Variants in DNMBP observed in about 807,000 individuals in gnomAD.
DNMBP encodes dynamin binding protein, also known as dynamin-binding protein.
In DNMBP, 87 loss-of-function variants were observed where a neutral mutation model predicts 150.0. That is an observed-to-expected ratio of 0.58 (90% CI 0.49 to 0.69). The LOEUF (loss-of-function observed/expected upper bound fraction) is 0.69. DNMBP is among the 30% of genes least tolerant of loss of function. The pLI is 0.00. For synonymous variants in DNMBP, 711 were observed against 750.4 expected (o/e 0.95, Z 0.86); for missense variants, 1,774 against 1,949.0 (o/e 0.91, Z 1.69).
chr10:99,911,596 G>A (rs2039900665), intron 4 of DNMBP, among the ~76,000 whole-genome samples: 1 of 152,174 alleles, frequency 6.6e-6, no homozygotes, highest in Admixed American at 6.5e-5. Flanking sequence ...GGAGAGTGGG[G>A]ATTGACAGAG....
intron 4 of DNMBP, among the ~76,000 whole-genome samples, chr10:99,932,276 A>T (rs2133288951): frequency 6.6e-6 from 1 of 152,326 alleles, no homozygotes; most frequent in South Asian, 2.1e-4. Context: ...CTCTTGGGTA[A>T]CTACTAATTC....
At position 99,956,381 on chromosome 10, in the gene DNMBP, T is replaced by C. The variant is rs769482234; in HGVS notation, c.1093A>G (p.Thr365Ala). The part of the protein sequence containing the change: ...EAPTSPLGHL[T>A]SEYDTDRNSY... Reference sequence around the variant, plus strand: ...TTTCTGTCTGTGTCATACTCTGAAGTCAGATGACCGAGGGGAGAAGTGGGT... The same window carrying C: ...TTTCTGTCTGTGTCATACTCTGAAGCCAGATGACCGAGGGGAGAAGTGGGT... The change falls in exon 4 of 17, where the codon ACT becomes GCT. Residue 365 changes from threonine to alanine, a missense_variant. By Grantham distance (58) the Thr-to-Ala change is moderately conservative (BLOSUM62 0). Coordinates refer to ENST00000324109, the MANE Select transcript of DNMBP (RefSeq NM_015221.4). 1 of 1,613,868 alleles carries C rather than the reference T, an allele frequency of 6.2e-7. No homozygotes were observed. The highest frequency in any genetic ancestry group is 8.5e-7 in the Non-Finnish European group (1 of 1,179,964).
At chr10:99,961,267 C>CTTTTTTTT (rs555063019) in intron 3 of DNMBP, among the ~76,000 whole-genome samples, 12 of 84,750 alleles carry the variant, frequency 1.4e-4, no homozygotes, top group East Asian at 3.5e-4. Context: ...TTCCCTTTTT[C>CTTTTTTTT]TTTTTTTTTT....
chr10:99,919,666 G>T (rs1310826510), intron 4 of DNMBP, among the ~76,000 whole-genome samples: 1 of 152,156 alleles, frequency 6.6e-6, no homozygotes, highest in Non-Finnish European at 1.5e-5. Flanking sequence ...GGTGGCGTGC[G>T]CCACCAGCTA....
intron 4 of DNMBP, among the ~76,000 whole-genome samples, chr10:99,915,229 A>C (rs1589416068): frequency 6.6e-6 from 1 of 150,438 alleles, no homozygotes; most frequent in African/African-American, 2.4e-5. Flanking sequence ...ACACACACAC[A>C]CACACGCATA....
chr10:99,948,341 A>G (rs752378407), intron 4 of DNMBP, among the ~76,000 whole-genome samples: 2 of 152,224 alleles, frequency 1.3e-5, no homozygotes, highest in Non-Finnish European at 2.9e-5. Flanking sequence ...TTAAAATACA[A>G]GGTTATAATT....
chr10:99,899,860 C>T, intron 7 of DNMBP, 59 bp downstream of exon 7: 1 of 1,568,548 alleles, frequency 6.4e-7, no homozygotes, highest in African/African-American at 1.3e-5. Context: ...GGCATATACA[C>T]AGGTATAACT....
chr10:99,974,128 T>C (rs2040704602), intron 1 of DNMBP, among the ~76,000 whole-genome samples: 2 of 151,736 alleles, frequency 1.3e-5, no homozygotes, highest in Admixed American at 1.3e-4. Context: ...ACCTCTATTT[T>C]ATAAAAAAAA....
intron 4 of DNMBP, among the ~76,000 whole-genome samples, chr10:99,948,244 A>G (rs1263366147): frequency 2.0e-5 from 3 of 152,212 alleles, no homozygotes; most frequent in Non-Finnish European, 4.4e-5. Context: ...AACCTCTGAA[A>G]ATGTTAGTGT....
At chr10:99,877,472 C>G in intron 16 of DNMBP, 136 bp from the exon 17 acceptor site, 2 of 585,148 alleles carry the variant, frequency 3.4e-6, no homozygotes, top group Non-Finnish European at 5.9e-6. Context: ...GCCAGTGAGA[C>G]AGAGGAACTG....
chr10:99,886,057 A>G (rs2039456618), intron 13 of DNMBP, among the ~76,000 whole-genome samples, 191 bp from the exon 14 acceptor site: 1 of 152,176 alleles, frequency 6.6e-6, no homozygotes, highest in Non-Finnish European at 1.5e-5. Flanking sequence ...CAAGTTCTCC[A>G]GGGCACTGCC....
chr10:99,937,859 C>T (rs865816958), intron 4 of DNMBP, among the ~76,000 whole-genome samples: 1 of 152,152 alleles, frequency 6.6e-6, no homozygotes, highest in Non-Finnish European at 1.5e-5. Context: ...CAACATTATT[C>T]GGGAGGACAG....
At chr10:99,994,825 T>C (rs1432546691) in intron 1 of DNMBP, among the ~76,000 whole-genome samples, 4 of 152,214 alleles carry the variant, frequency 2.6e-5, no homozygotes. Context: ...ATCTTTTCTT[T>C]GGGGCTCCTG....
Position 99,957,111 on chromosome 10 carries a change from G to T in DNMBP, c.363C>A (p.Val121=), listed in dbSNP as rs758692399. 1.3e-5 allele frequency: 21 copies of T among 1,613,806 alleles called. No individual in the cohort carries two copies. The Admixed American group carries it at 3.3e-4, about 26-fold the overall frequency. The change falls in exon 4 of 17, where the codon GTC becomes GTA. Residue 121 remains valine, a synonymous_variant. Coordinates refer to ENST00000324109, the MANE Select transcript of DNMBP (RefSeq NM_015221.4). ...TCTGTGAGGAGAGGCAGAGCTCGCGGACACATGAAGATGGGAAGAAGCCCC... is the reference window on the plus strand; with the variant it reads ...TCTGTGAGGAGAGGCAGAGCTCGCGTACACATGAAGATGGGAAGAAGCCCC... The part of the protein sequence containing the change: ...GARGFFPSSC[V]RELCLSSQSR...
intron 3 of DNMBP, among the ~76,000 whole-genome samples, chr10:99,964,135 CTTTTT>C (rs895801002): frequency 6.9e-5 from 6 of 87,224 alleles, no homozygotes; most frequent in South Asian, 4.4e-4. Context: ...TATTCTCTCT[CTTTTT>C]TTTTTTTTTT....
rs775053935 is a variant in DNMBP, at chr10:99,955,434, A to G, written c.2040T>C (p.His680=). The change falls in exon 4 of 17, where the codon CAT becomes CAC. Residue 680 remains histidine (H), a synonymous_variant. Coordinates refer to ENST00000324109, the MANE Select transcript of DNMBP (RefSeq NM_015221.4). ...AGGTCTGGTCCAGACTCCTTCCCAT[A>G]TGACCAGGGCCCTCCTTTTCTAAGG... ...CETLEKEGPG[H]MGRSLDQTSP... 3.7e-6 allele frequency: 6 copies of G among 1,613,418 alleles called. No homozygotes were observed. The Admixed American group carries it at 1.0e-4, about 27-fold the overall frequency.
chr10:99,956,315 T>C lies in DNMBP; in HGVS notation c.1159A>G (p.Ser387Gly), dbSNP rs1003434258. 4 of 1,613,944 alleles carry C rather than the reference T, an allele frequency of 2.5e-6. No homozygotes were observed. Among genetic ancestry groups the C allele is most frequent in the Non-Finnish European group, 2.5e-6 (3 of 1,179,988 alleles). The change falls in exon 4 of 17, where the codon AGC becomes GGC. Residue 387 changes from serine (S) to glycine (G), a missense_variant. Ser to Gly is a moderately conservative substitution (Grantham distance 56, BLOSUM62 0). Around this residue, in one of 2 missense-constraint regions of DNMBP, gnomAD observed 1,430 missense variants for 1,492.5 expected, o/e 0.96. Coordinates refer to ENST00000324109, the MANE Select transcript of DNMBP (RefSeq NM_015221.4). The stretch of plus-strand genomic sequence containing the variant: ...GGCATTTCCCACTCCACGCCTGGGC[T>C]TCTCGGGGGCCCTCCTGCGGTGTCC... ...DEDTAGGPPR[S>G]PGVEWEMPLA...
chr10:99,886,450 G>A lies in DNMBP; in HGVS notation c.3468C>T (p.Asn1156=). Residue 1156 remains asparagine, a synonymous_variant, in exon 13 of 17, where the codon AAC becomes AAT. Transcript: ENST00000324109. ...TLEELQSARN[N]YEALNAQLLD... ...GCAGCTGTGCATTCAGGGCCTCATA[G>A]TTGTTCCGGGCCGACTGCAGCTCCT... The A allele has an allele frequency of 6.2e-7, 1 of 1,614,210 alleles. No homozygotes were observed. The highest frequency in any genetic ancestry group is 1.3e-5 in the African/African-American group (1 of 75,048).
At chr10:99,891,408 C>T (rs61872202) in intron 11 of DNMBP, among the ~76,000 whole-genome samples, 54,193 of 151,138 alleles carry the variant, frequency 0.36, 10,490 homozygotes, top group Middle Eastern at 0.5. Flanking sequence ...CCCCTAACCG[C>T]GAGTGATCCG....
Sources: allele counts gnomAD v4.1 joint callset (sites outside exome capture counted in the v4.1 genomes callset), GRCh38; gene constraint gnomAD v4.1.1; regional missense constraint gnomAD v4.1.1; transcripts MANE v1.5; gene names NCBI Gene and HGNC (gene_info 2026-07-23, HGNC 2026-07-21).